NOL11: variants seen among roughly 807,000 people sequenced by gnomAD.
NOL11 encodes the protein nucleolar protein 11.
A neutral mutation model predicts 93.0 loss-of-function variants in NOL11; 42 were observed. That is an observed-to-expected ratio of 0.45 (90% CI 0.35 to 0.58). The LOEUF is 0.58. Among genes scored for constraint, NOL11 ranks in the 20% least tolerant of loss-of-function variants. The pLI is 0.00. For synonymous variants in NOL11, 296 were observed against 293.7 expected, an observed-to-expected ratio of 1.01 and a Z score of -0.08; for missense variants, 775 against 841.8, an observed-to-expected ratio of 0.92 and a Z score of 0.98.
chr17:67,739,851 C>T (rs1235450792), intron 16 of NOL11, among the ~76,000 whole-genome samples: 1 of 152,194 alleles, frequency 6.6e-6, no homozygotes, highest in African/African-American at 2.4e-5. Context: ...TTCATTATGA[C>T]CCTTCCCTTT....
In NOL11 at chr17:67,726,865, A is replaced by G. The variant is rs112236797; in HGVS notation, c.853+217A>G. ...AAAAACACTTCTTGCTATCACCACC[A>G]TGCTCATAACTATGTCATAAAGAAA... On this transcript the variant is annotated intron_variant, in intron 7 of 17. Coordinates refer to ENST00000253247, the MANE Select transcript of NOL11 (RefSeq NM_015462.5). 5.5e-3 allele frequency: 2,246 copies of G among 411,570 alleles called. 26 individuals are homozygous for G. Among genetic ancestry groups the G allele is most frequent in the East Asian group, 0.029 (695 of 24,286 alleles). The allele number at this position is 411,570 out of a possible 1,614,324, so 25.5% of individuals were successfully genotyped here.
chr17:67,739,069 C>T lies in NOL11; in HGVS notation c.1842+59C>T, dbSNP rs368032818. 4.2e-6 allele frequency: 5 copies of T among 1,181,380 alleles called. No homozygotes were observed. In the African/African-American group the frequency reaches 6.1e-5, roughly 14 times the overall value. The allele number at this position is 1,181,380 out of a possible 1,614,324, so 73.2% of individuals were successfully genotyped here. A position where few individuals can be genotyped will look rare whatever the true frequency, so the allele number is the denominator to read the frequency against. On this transcript the variant is annotated intron_variant, in intron 15 of 17. Transcript: ENST00000253247. ...TTCTGGTTTAAATATTGCTATTTAA[C>T]TCTAACCAGCTGTTAGGGCATTCTA... is the stretch of plus-strand genomic sequence containing the variant.
At chr17:67,739,654 G>GA in intron 16 of NOL11, 46 bp downstream of exon 16, 2 of 1,266,938 alleles carry the variant, frequency 1.6e-6, no homozygotes, top group Non-Finnish European at 2.2e-6. Flanking sequence ...AAAAATCTGT[G>GA]AAAAAAAGTT....
intron 7 of NOL11, among the ~76,000 whole-genome samples, chr17:67,728,801 T>C (rs1187852371): frequency 2.6e-5 from 4 of 152,264 alleles, no homozygotes; most frequent in African/African-American, 2.4e-5. Flanking sequence ...CCTTGCTTTT[T>C]GAATAGCTGT....
At position 67,738,836 on chromosome 17, in the gene NOL11, A is replaced by G. The variant is rs1446767286; in HGVS notation, c.1764-96A>G. On this transcript the variant is annotated intron_variant, in intron 14 of 17. Transcript: ENST00000253247. The stretch of plus-strand genomic sequence containing the variant: ...TCTTTTAGAGATGTAAAACTTTTGT[A>G]TAAATTTAGAAAACTAACATTGACA... 3 of 757,986 alleles carry G rather than the reference A, an allele frequency of 4.0e-6. No individual in the cohort carries two copies. The African/African-American group carries it at 5.3e-5, about 13-fold the overall frequency. 47.0% of individuals were successfully genotyped at this position (757,986 alleles called of 1,614,324 possible).
At chr17:67,738,395 A>G in intron 14 of NOL11, 40 bp downstream of exon 14, 1 of 1,384,380 alleles carries the variant, frequency 7.2e-7, no homozygotes, top group Non-Finnish European at 1.0e-6. Flanking sequence ...TTCTCTTTAT[A>G]GGATATAGTT....
In NOL11 at chr17:67,743,329, G is replaced by A. The variant is rs1471256455; in HGVS notation, c.1936-150G>A. ...CCAGAAATGAGCCTTTTTATATTTC[G>A]TAGAAATTGCTCCATCTCTAAACAA... On this transcript the variant is annotated intron_variant, in intron 16 of 17. Coordinates refer to ENST00000253247, the MANE Select transcript of NOL11 (RefSeq NM_015462.5). 1.1e-5 allele frequency: 5 copies of A among 435,348 alleles called. No individual in the cohort carries two copies. The East Asian group carries it at 1.5e-4, about 13-fold the overall frequency. 27.0% of individuals were successfully genotyped at this position (435,348 alleles called of 1,614,324 possible).
chr17:67,735,142 G>A (rs1391666738), intron 8 of NOL11, among the ~76,000 whole-genome samples: 1 of 152,142 alleles, frequency 6.6e-6, no homozygotes, highest in Non-Finnish European at 1.5e-5. Flanking sequence ...TGAACAGACT[G>A]TGCACTTCCT....
At position 67,719,806 on chromosome 17, in the gene NOL11, G is replaced by GT; in HGVS notation, c.255+20dup. 13 of 1,514,514 alleles carry GT rather than the reference G, an allele frequency of 8.6e-6. No homozygotes were observed. Among genetic ancestry groups the GT allele is most frequent in the Non-Finnish European group, 1.2e-5 (13 of 1,103,744 alleles). The allele number at this position is 1,514,514 out of a possible 1,614,324, so 93.8% of individuals were successfully genotyped here. A position where few individuals can be genotyped will look rare whatever the true frequency, so the allele number is the denominator to read the frequency against. ...TAATAAGGTGAGTTTTAAAACTTTT[G>GT]TATAATATATACAATATAAATGTTG... On this transcript the variant is annotated intron_variant, in intron 2 of 17. Transcript: ENST00000253247.
chr17:67,739,469 A>G, intron 15 of NOL11, 47 bp from the exon 16 acceptor site: 1 of 1,217,810 alleles, frequency 8.2e-7, no homozygotes. Context: ...TATAATAGAA[A>G]TTTTTTCTAT....
chr17:67,718,117 G>T (rs773839163), intron 1 of NOL11, 29 bp downstream of exon 1: 3 of 1,602,128 alleles, frequency 1.9e-6, no homozygotes, highest in South Asian at 2.2e-5. Flanking sequence ...GGAGCGCCCC[G>T]ACTGCCTTCT....
rs2055274213 is a variant in NOL11, at chr17:67,743,536, C to T, written c.1993C>T (p.Pro665Ser). The change falls in exon 17 of 18, where the codon CCA becomes TCA. Residue 665 changes from proline to serine, a missense_variant. Pro to Ser is a moderately conservative substitution (Grantham distance 74). Transcript: ENST00000253247. The stretch of plus-strand genomic sequence containing the variant: ...AAATTTTACTGTTGTTGTAATGATG[C>T]CAGAAGCAAAGAGGCTACTGATAAA... ...DANFTVVVMM[P>S]EAKRLLINLY... 6.2e-7 allele frequency: 1 copy of T among 1,606,238 alleles called. No homozygotes were observed. Among genetic ancestry groups the T allele is most frequent in the African/African-American group, 1.3e-5 (1 of 74,810 alleles).
In NOL11 at chr17:67,737,856, C is replaced by T. The variant is rs374704420; in HGVS notation, c.1413C>T (p.Pro471=). 1.5e-4 allele frequency: 238 copies of T among 1,610,864 alleles called. No individual in the cohort carries two copies. Among genetic ancestry groups the T allele is most frequent in the Non-Finnish European group, 1.8e-4 (211 of 1,179,254 alleles). The change falls in exon 13 of 18, where the codon CCC becomes CCT. Residue 471 remains proline (P), a synonymous_variant. Transcript: ENST00000253247. Reference sequence around the variant, plus strand: ...GATTTTTTTGTCTTAGTTTGTGCCCCGACTTAATGGAGATTGCCTTAAAAA... The same window carrying T: ...GATTTTTTTGTCTTAGTTTGTGCCCTGACTTAATGGAGATTGCCTTAAAAA... ...QTHVLSYSLC[P]DLMEIALKKK... is the part of the protein sequence containing the mutation.
chr17:67,727,224 T>C (rs934048981), intron 7 of NOL11, among the ~76,000 whole-genome samples: 2 of 152,228 alleles, frequency 1.3e-5, no homozygotes, highest in Non-Finnish European at 2.9e-5. Flanking sequence ...ATAAGTCCCT[T>C]CACAGCCTAG....
rs1213284934 is a variant in NOL11 at position 67,734,351 on chromosome 17, C to G, written c.854-12C>G. 11 of 1,519,610 alleles carry G rather than the reference C, an allele frequency of 7.2e-6. No individual in the cohort carries two copies. Among genetic ancestry groups the G allele is most frequent in the Non-Finnish European group, 1.0e-5 (11 of 1,097,732 alleles). The allele number at this position is 1,519,610 out of a possible 1,614,324, so 94.1% of individuals were successfully genotyped here. On this transcript the variant is annotated splice_polypyrimidine_tract_variant and intron_variant, in intron 7 of 17. Coordinates refer to ENST00000253247, the MANE Select transcript of NOL11 (RefSeq NM_015462.5). ...TTGGGACTTTTTTCTGAATTTATGT[C>G]TTATTTTATAGAATGCCTCTCTGTA...
intron 1 of NOL11, chr17:67,719,102 C>T (rs753943677): frequency 6.6e-6 from 1 of 152,140 alleles, no homozygotes; most frequent in South Asian, 2.1e-4. Context: ...ATTTTAACTA[C>T]CCTTTTAGAG....
intron 4 of NOL11, 34 bp from the exon 5 acceptor site, chr17:67,722,546 C>A: frequency 6.4e-7 from 1 of 1,554,384 alleles, no homozygotes. Context: ...GTGATTTTTG[C>A]ATCCTATAAT....
At chr17:67,723,979 T>A in intron 5 of NOL11, 70 bp from the exon 6 acceptor site, 1 of 1,096,474 alleles carries the variant, frequency 9.1e-7, no homozygotes, top group Non-Finnish European at 1.3e-6. Context: ...TGACAACTTC[T>A]GGTTTTAACA....
intron 1 of NOL11, among the ~76,000 whole-genome samples, 166 bp downstream of exon 1, chr17:67,718,254 T>G (rs921413395): frequency 3.3e-5 from 5 of 152,156 alleles, no homozygotes; most frequent in Non-Finnish European, 7.4e-5. Flanking sequence ...GAATCTGGCT[T>G]GCTTGCCTTC....
Sources: gnomAD v4.1 joint callset for allele counts (sites outside exome capture counted in the v4.1 genomes callset) on GRCh38, gnomAD v4.1.1 for gene constraint, MANE v1.5 for transcripts, NCBI Gene and HGNC (gene_info 2026-07-23, HGNC 2026-07-21) for gene names.